The following PRKN variants were observed in gnomAD, a reference collection of about 807,000 sequenced individuals.
PRKN encodes parkin RBR E3 ubiquitin protein ligase, also known as E3 ubiquitin-protein ligase parkin.
Under a neutral mutation model 59.5 loss-of-function variants are expected in PRKN, and 56 were observed. The ratio of observed to expected loss-of-function variants is 0.94; its 90% CI spans 0.76 to 1.18. PRKN has a LOEUF of 1.18. PRKN is among the 50% of genes most tolerant of loss of function. PRKN has a pLI of 0.00. For synonymous variants in PRKN, 250 were observed against 222.1 expected (o/e 1.13, Z -1.12); for missense variants, 657 against 596.4 (o/e 1.10, Z -1.06).
rs1264958507 is a variant in PRKN, at chr6:161,429,364, T to C, written c.1084-42487A>G. 6.6e-6 allele frequency among the ~76,000 whole-genome samples: 1 copy of C among 152,114 alleles called. No homozygotes were observed. Among genetic ancestry groups the C allele is most frequent in the African/African-American group, 2.4e-5 (1 of 41,400 alleles). Reference sequence around the variant, plus strand: ...CAGTCATGGGCAAGTAAACAGGTCATTATAACACAGCAGTGCCCTAAGTGC... The same window carrying C: ...CAGTCATGGGCAAGTAAACAGGTCACTATAACACAGCAGTGCCCTAAGTGC... On this transcript the variant is annotated intron_variant, in intron 9 of 11. Coordinates refer to ENST00000366898, the MANE Select transcript of PRKN (RefSeq NM_004562.3). The surrounding 1 kb of genome is among the most constrained non-coding windows in gnomAD (Gnocchi z 4.2).
rs555020018 is a variant in PRKN at position 161,377,871 on chromosome 6, G to C, written c.1167+8923C>G. ...CCCTCATGAGACCCCAAATCTGCTA[G>C]TGCATTCATCTTTGACTTCTGAGCC... On this transcript the variant is annotated intron_variant, in intron 10 of 11. Coordinates refer to ENST00000366898, the MANE Select transcript of PRKN (RefSeq NM_004562.3). This position sits in a 1 kb window ranked among gnomAD's most constrained non-coding sequence, Gnocchi z 4.2. Among the ~76,000 whole-genome samples, 1 of 152,282 alleles carries C rather than the reference G, an allele frequency of 6.6e-6. No homozygotes were observed. Among genetic ancestry groups the C allele is most frequent in the African/African-American group, 2.4e-5 (1 of 41,562 alleles).
At chr6:162,360,308 A>G (rs1562700547) in intron 2 of PRKN, among the ~76,000 whole-genome samples, 1 of 152,184 alleles carries the variant, frequency 6.6e-6, no homozygotes, top group South Asian at 2.1e-4. Flanking sequence ...GTGTTCTTCA[A>G]CAATTCCTAA....
Position 161,592,414 on chromosome 6 carries a change from T to C in PRKN, c.872-22998A>G, listed in dbSNP as rs1209038202. Among the ~76,000 whole-genome samples, 1 of 152,208 alleles carries C rather than the reference T, an allele frequency of 6.6e-6. No individual in the cohort carries two copies. The highest frequency in any genetic ancestry group is 2.4e-5 in the African/African-American group (1 of 41,444). ...TTAATATACTCTTCTGTTTATATAA[T>C]GTGGGGCTAGTAGACGAAAGAATAT... On this transcript the variant is annotated intron_variant, in intron 7 of 11. Transcript: ENST00000366898. The surrounding 1 kb of genome is among the most constrained non-coding windows in gnomAD (Gnocchi z 4.8).
chr6:162,226,095 AAT>A (rs72090440), intron 3 of PRKN, among the ~76,000 whole-genome samples: 25,567 of 100,486 alleles, frequency 0.25, 2,803 homozygotes, highest in East Asian at 0.57. Context: ...TAATAATAAT[AAT>A]AAAATTAGAT....
At chr6:162,680,597 G>T (rs2128232609) in intron 1 of PRKN, among the ~76,000 whole-genome samples, 1 of 152,156 alleles carries the variant, frequency 6.6e-6, no homozygotes, top group South Asian at 2.1e-4. Flanking sequence ...TCAGTAGAAT[G>T]CTTATTTCAA....
rs10546457 is a variant in PRKN, at chr6:161,466,062, TTGTGTGTGTG to T, written c.1084-79195_1084-79186del. On this transcript the variant is annotated intron_variant, in intron 9 of 11. Coordinates refer to ENST00000366898, the MANE Select transcript of PRKN (RefSeq NM_004562.3). The surrounding 1 kb of genome is among the most constrained non-coding windows in gnomAD (Gnocchi z 5.0). The stretch of plus-strand genomic sequence containing the variant: ...CTTCTATCACCACACATAGTTATCT[TTGTGTGTGTG>T]TGTGTGTGTGTCTGTGTGGGGAGGA... 2.0e-5 allele frequency among the ~76,000 whole-genome samples: 3 copies of T among 150,704 alleles called. No individual in the cohort carries two copies. The highest frequency in any genetic ancestry group is 7.3e-5 in the African/African-American group (3 of 41,100).
chr6:162,576,681 G>A (rs1780569653), intron 1 of PRKN, among the ~76,000 whole-genome samples: 1 of 151,976 alleles, frequency 6.6e-6, no homozygotes, highest in East Asian at 1.9e-4. Flanking sequence ...GCGTGGTGGC[G>A]CATGCCTGTA....
rs1780173171 is a variant in PRKN at position 162,568,407 on chromosome 6, A to G, written c.8-124934T>C. 3 of 543,424 alleles carry G rather than the reference A, an allele frequency of 5.5e-6. 1 individual carries two copies. The Admixed American group carries it at 8.3e-5, about 15-fold the overall frequency. 33.7% of individuals were successfully genotyped at this position (543,424 alleles called of 1,614,324 possible). On this transcript the variant is annotated intron_variant, in intron 1 of 11. Coordinates refer to ENST00000366898, the MANE Select transcript of PRKN (RefSeq NM_004562.3). ...TCCATCAGGGTGACCCAGAAGTCCT[A>G]TAAGGTGTCCACCTCTATGGGCAGC...
intron 2 of PRKN, among the ~76,000 whole-genome samples, chr6:162,338,778 C>T (rs1783976643): frequency 6.6e-6 from 1 of 151,648 alleles, no homozygotes; most frequent in South Asian, 2.1e-4. Context: ...AGCGTCTCCG[C>T]CCGGCCGCCA....
At chr6:161,859,420 T>C (rs556116984) in intron 6 of PRKN, among the ~76,000 whole-genome samples, 1 of 151,686 alleles carries the variant, frequency 6.6e-6, no homozygotes, top group African/African-American at 2.4e-5. Flanking sequence ...CTGGCCAACA[T>C]GCTGAAACTC....
intron 7 of PRKN, among the ~76,000 whole-genome samples, chr6:161,596,180 T>G (rs1781906092): frequency 6.6e-6 from 1 of 152,176 alleles, no homozygotes; most frequent in African/African-American, 2.4e-5. Context: ...CACGTTCCCC[T>G]TGAGCATGAG....
chr6:161,577,788 A>C (rs1051508033), intron 7 of PRKN, among the ~76,000 whole-genome samples: 2 of 152,144 alleles, frequency 1.3e-5, no homozygotes, highest in African/African-American at 4.8e-5. Flanking sequence ...TAATCCAAAC[A>C]TCCTTGCTGG....
chr6:161,995,514 A>G (rs995592653), intron 5 of PRKN, among the ~76,000 whole-genome samples: 2 of 152,178 alleles, frequency 1.3e-5, no homozygotes, highest in African/African-American at 4.8e-5. Context: ...TCATTCAACA[A>G]GGGACTAATA....
chr6:162,514,235 G>C (rs1777750813), intron 1 of PRKN, among the ~76,000 whole-genome samples: 1 of 151,154 alleles, frequency 6.6e-6, no homozygotes, highest in South Asian at 2.1e-4. Context: ...AACCCTCTTG[G>C]TTGGTTAGTT....
At chr6:162,092,382 G>T (rs889911579) in intron 4 of PRKN, among the ~76,000 whole-genome samples, 1 of 151,884 alleles carries the variant, frequency 6.6e-6, no homozygotes, top group Non-Finnish European at 1.5e-5. Context: ...TGAAAAAAAA[G>T]TTTACCACTA....
intron 2 of PRKN, among the ~76,000 whole-genome samples, chr6:162,357,960 G>A (rs371138408): frequency 2.0e-5 from 3 of 152,172 alleles, no homozygotes; most frequent in East Asian, 3.9e-4. Flanking sequence ...GGGTAGTGGT[G>A]CTCTTCTGCA....
intron 4 of PRKN, among the ~76,000 whole-genome samples, chr6:162,132,933 G>T (rs1781426550): frequency 6.6e-6 from 1 of 152,206 alleles, no homozygotes; most frequent in Non-Finnish European, 1.5e-5. Context: ...CAGGAGCTCA[G>T]TAACGATACT....
intron 1 of PRKN, among the ~76,000 whole-genome samples, chr6:162,525,445 TC>T (rs994024600): frequency 1.4e-4 from 21 of 152,148 alleles, no homozygotes; most frequent in African/African-American, 5.1e-4. Context: ...CATCGCTCAC[TC>T]CCTCAGAGAG....
chr6:161,347,927 A>G lies in PRKN; in HGVS notation c.*2172T>C, dbSNP rs1784398218. On this transcript the variant is annotated 3_prime_UTR_variant, in exon 12 of 12. Transcript: ENST00000366898. ...CACCGCGCCCGGCCTGCTCTAACTT[A>G]TTTTAAGAATCACTGTTCTATTCTG... 6.0e-6 allele frequency: 1 copy of G among 167,200 alleles called. No homozygotes were observed. The highest frequency in any genetic ancestry group is 2.4e-5 in the African/African-American group (1 of 41,818). 10.4% of individuals were successfully genotyped at this position (167,200 alleles called of 1,614,324 possible).
Sources: allele counts gnomAD v4.1 joint callset (sites outside exome capture counted in the v4.1 genomes callset), GRCh38; gene constraint gnomAD v4.1.1; non-coding constraint Gnocchi (gnomAD v3.1); transcripts MANE v1.5; gene names NCBI Gene and HGNC (gene_info 2026-07-23, HGNC 2026-07-21).